Variants in RBFOX1 observed in about 807,000 individuals in gnomAD.
RBFOX1 encodes RNA binding fox-1 homolog 1.
Under a neutral mutation model 57.7 loss-of-function variants are expected in RBFOX1, and 8 were observed. The ratio of observed to expected loss-of-function variants is 0.14; its 90% confidence interval spans 0.08 to 0.25. RBFOX1 has a LOEUF of 0.25. Among genes scored for constraint, RBFOX1 ranks in the 10% least tolerant of loss-of-function variants. The pLI, the probability that RBFOX1 is intolerant of heterozygous loss-of-function variation, is 1.00. For missense variants in RBFOX1, 611 were observed against 548.5 expected (o/e 1.11, Z -1.14); for synonymous variants, 326 against 222.4 (o/e 1.47, Z -4.15).
chr16:7,623,326 G>A (rs1053770049), intron 10 of RBFOX1, among the ~76,000 whole-genome samples: 1 of 152,088 alleles, frequency 6.6e-6, no homozygotes, highest in Admixed American at 6.6e-5. Context: ...TTATTACATT[G>A]TAATATATAA....
At chr16:5,775,043 C>G (rs773803005) in intron 3 of RBFOX1, among the ~76,000 whole-genome samples, 2 of 152,042 alleles carry the variant, frequency 1.3e-5, no homozygotes, top group African/African-American at 2.4e-5. Context: ...TAAACCAAAT[C>G]TCACATAAAA....
At chr16:5,334,212 C>T (rs970379452) in intron 1 of RBFOX1, among the ~76,000 whole-genome samples, 1 of 152,126 alleles carries the variant, frequency 6.6e-6, no homozygotes, top group Admixed American at 6.5e-5. Context: ...GACATCTCTC[C>T]GGCCAGAGGA....
At chr16:6,734,302 T>G (rs2069481788) in intron 3 of RBFOX1, among the ~76,000 whole-genome samples, 1 of 152,182 alleles carries the variant, frequency 6.6e-6, no homozygotes, top group Non-Finnish European at 1.5e-5. Context: ...TAGAGATATT[T>G]GCTTTGTTCA....
chr16:6,206,110 T>G (rs2097253644), intron 1 of RBFOX1, among the ~76,000 whole-genome samples: 1 of 152,130 alleles, frequency 6.6e-6, no homozygotes, highest in African/African-American at 2.4e-5. Flanking sequence ...TTTCTGTCTT[T>G]TAAGGCACAG....
intron 4 of RBFOX1, among the ~76,000 whole-genome samples, chr16:7,247,416 C>G (rs542689739): frequency 6.6e-6 from 1 of 152,238 alleles, no homozygotes; most frequent in South Asian, 2.1e-4. Context: ...CTATGGTGAT[C>G]TACCACACAC....
At chr16:7,350,018 A>G (rs967648550) in intron 4 of RBFOX1, among the ~76,000 whole-genome samples, 1 of 152,138 alleles carries the variant, frequency 6.6e-6, no homozygotes, top group Non-Finnish European at 1.5e-5. Flanking sequence ...ATGATGGCGC[A>G]TGCCTGTAGT....
At chr16:6,067,745 G>GA (rs1427030156) in intron 1 of RBFOX1, among the ~76,000 whole-genome samples, 6 of 152,012 alleles carry the variant, frequency 3.9e-5, no homozygotes, top group Non-Finnish European at 7.4e-5. Flanking sequence ...CTGAGGATGG[G>GA]AAAAAAATAT....
chr16:5,406,751 G>A (rs184843717), intron 1 of RBFOX1, among the ~76,000 whole-genome samples: 2 of 152,216 alleles, frequency 1.3e-5, no homozygotes, highest in East Asian at 3.9e-4. Context: ...ATTACACAAT[G>A]GGTCCTGCAG....
intron 3 of RBFOX1, among the ~76,000 whole-genome samples, chr16:6,744,932 C>A (rs117836625): frequency 1.3e-5 from 2 of 151,924 alleles, no homozygotes; most frequent in African/African-American, 4.8e-5. Context: ...AATCAATACA[C>A]TTTTAGCCAG....
chr16:6,666,234 G>A (rs2098731773), intron 3 of RBFOX1, among the ~76,000 whole-genome samples: 2 of 152,090 alleles, frequency 1.3e-5, no homozygotes, highest in Admixed American at 1.3e-4. Flanking sequence ...TACAGGAGGA[G>A]TTGAAGAATG....
At chr16:5,927,464 G>T (rs117943917) in intron 4 of RBFOX1, among the ~76,000 whole-genome samples, 2 of 152,330 alleles carry the variant, frequency 1.3e-5, no homozygotes, top group East Asian at 3.9e-4. Context: ...TGGTAAGGGT[G>T]TGGAGAAAAG....
At chr16:5,717,262 T>C (rs2051738412) in intron 3 of RBFOX1, among the ~76,000 whole-genome samples, 1 of 152,206 alleles carries the variant, frequency 6.6e-6, no homozygotes, top group Non-Finnish European at 1.5e-5. Flanking sequence ...CCTCGTTGTT[T>C]CCTGTGAATT....
intron 2 of RBFOX1, among the ~76,000 whole-genome samples, chr16:5,474,654 C>G (rs935274741): frequency 8.6e-5 from 11 of 127,440 alleles, no homozygotes; most frequent in East Asian, 4.7e-4. Context: ...GACTTCGTCT[C>G]AAAAAAAAAA....
At chr16:5,665,538 G>A (rs1326413773) in intron 3 of RBFOX1, among the ~76,000 whole-genome samples, 3 of 152,180 alleles carry the variant, frequency 2.0e-5, no homozygotes, top group Admixed American at 1.3e-4. Context: ...TTGTATGTTT[G>A]CTGTTTCCCT....
intron 1 of RBFOX1, among the ~76,000 whole-genome samples, chr16:5,248,606 G>T (rs1335339486): frequency 6.6e-6 from 1 of 152,176 alleles, no homozygotes; most frequent in East Asian, 1.9e-4. Flanking sequence ...TGGAGCGCTT[G>T]GGGGGTGGTC....
At chr16:6,876,551 T>G (rs534979948) in intron 3 of RBFOX1, among the ~76,000 whole-genome samples, 1 of 152,268 alleles carries the variant, frequency 6.6e-6, no homozygotes, top group East Asian at 1.9e-4. Flanking sequence ...AAAAATTAAG[T>G]CACTTCTATA....
At chr16:7,373,090 C>A (rs989314507) in intron 4 of RBFOX1, among the ~76,000 whole-genome samples, 2 of 151,878 alleles carry the variant, frequency 1.3e-5, no homozygotes, top group African/African-American at 4.8e-5. Context: ...TGCCACCATG[C>A]GTGGCTAATT....
At chr16:6,102,908 A>C (rs1008840375) in intron 1 of RBFOX1, among the ~76,000 whole-genome samples, 3 of 152,066 alleles carry the variant, frequency 2.0e-5, no homozygotes, top group Non-Finnish European at 4.4e-5. Flanking sequence ...TTTTTAGAAG[A>C]AAGTGATGGA....
At chr16:6,506,592 A>C (rs1304729080) in intron 2 of RBFOX1, among the ~76,000 whole-genome samples, 1 of 143,566 alleles carries the variant, frequency 7.0e-6, no homozygotes, top group Non-Finnish European at 1.5e-5. Context: ...TGAATTTGTC[A>C]GTATAAACGG....
Sources: gnomAD v4.1 joint callset for allele counts (sites outside exome capture counted in the v4.1 genomes callset) on GRCh38, gnomAD v4.1.1 for gene constraint, MANE v1.5 for transcripts, NCBI Gene and HGNC (gene_info 2026-07-23, HGNC 2026-07-21) for gene names.